The following SH3KBP1 variants were observed in gnomAD, a reference collection of about 807,000 sequenced individuals.
SH3KBP1 encodes SH3 domain-containing kinase-binding protein 1.
SH3KBP1 carries 8 observed loss-of-function variants against 50.1 expected under a neutral mutation model. The ratio of observed to expected loss-of-function variants is 0.16; its 90% CI spans 0.09 to 0.29. The LOEUF is 0.29. Among genes scored for constraint, SH3KBP1 ranks in the 10% least tolerant of loss-of-function variants. The pLI is 1.00. For synonymous variants in SH3KBP1, 227 were observed against 218.6 expected (o/e 1.04, Z -0.34); for missense variants, 377 against 535.2 (o/e 0.70, Z 2.92).
intron 2 of SH3KBP1, among the ~76,000 whole-genome samples, chrX:19,822,358 C>T (rs1056466839): frequency 1.8e-5 from 2 of 112,062 alleles, no homozygotes; most frequent in Non-Finnish European, 3.8e-5. Context: ...TCATTTTTTA[C>T]AGACTATTTT....
intron 10 of SH3KBP1, among the ~76,000 whole-genome samples, chrX:19,594,530 A>G (rs1160786331): frequency 8.9e-6 from 1 of 112,129 alleles, no homozygotes; most frequent in Non-Finnish European, 1.9e-5. Flanking sequence ...ATTCAGCAAC[A>G]CTATATACGC....
At chrX:19,870,992 C>T (rs746253778) in intron 1 of SH3KBP1, among the ~76,000 whole-genome samples, 144 of 111,878 alleles carry the variant, frequency 1.3e-3, no homozygotes, top group African/African-American at 4.3e-3. Flanking sequence ...GGAACTTTAG[C>T]ACTCATTTGA....
At chrX:19,643,011 T>C (rs1301206625) in intron 7 of SH3KBP1, among the ~76,000 whole-genome samples, 1 of 110,880 alleles carries the variant, frequency 9.0e-6, no homozygotes, top group Non-Finnish European at 1.9e-5. Flanking sequence ...TGCTGGGCAA[T>C]TTTTGTTATA....
At chrX:19,884,038 T>G (rs2069519574) in intron 1 of SH3KBP1, among the ~76,000 whole-genome samples, 1 of 111,788 alleles carries the variant, frequency 8.9e-6, no homozygotes, top group African/African-American at 3.3e-5. Flanking sequence ...TCGTTTTCAG[T>G]CTCTGCCACA....
intron 2 of SH3KBP1, among the ~76,000 whole-genome samples, chrX:19,813,443 A>G (rs1486627352): frequency 9.0e-6 from 1 of 111,380 alleles, no homozygotes; most frequent in East Asian, 2.8e-4. Context: ...GATCACAATC[A>G]AGCTAATTAA....
intron 2 of SH3KBP1, among the ~76,000 whole-genome samples, chrX:19,761,252 G>A (rs1192540707): frequency 4.5e-5 from 4 of 89,808 alleles, no homozygotes; most frequent in Non-Finnish European, 8.9e-5. Flanking sequence ...GTGAGAGAGG[G>A]AGGGAGAGAG....
intron 4 of SH3KBP1, among the ~76,000 whole-genome samples, chrX:19,701,686 T>C (rs888727076): frequency 3.6e-5 from 4 of 112,215 alleles, no homozygotes; most frequent in African/African-American, 1.3e-4. Context: ...GTCAATGCCA[T>C]CATTTGCCAC....
intron 6 of SH3KBP1, among the ~76,000 whole-genome samples, chrX:19,664,141 A>G (rs1225917388): frequency 8.9e-6 from 1 of 111,862 alleles, no homozygotes; most frequent in Non-Finnish European, 1.9e-5. Flanking sequence ...GAGAGACCAC[A>G]GAACAGTCAA....
At chrX:19,863,369 G>A (rs184223617) in intron 1 of SH3KBP1, among the ~76,000 whole-genome samples, 38 of 111,381 alleles carry the variant, frequency 3.4e-4, no homozygotes, top group African/African-American at 1.2e-3. Flanking sequence ...AGCTAAAGCA[G>A]GGCTCTCTTC....
chrX:19,842,483 G>A (rs936700301), intron 1 of SH3KBP1, among the ~76,000 whole-genome samples: 4 of 111,572 alleles, frequency 3.6e-5, no homozygotes, highest in Non-Finnish European at 7.6e-5. Flanking sequence ...CTGAGATCAT[G>A]CCACTGCACT....
intron 1 of SH3KBP1, 95 bp from the exon 2 acceptor site, chrX:19,836,377 G>A: frequency 1.3e-6 from 1 of 760,197 alleles, no homozygotes; most frequent in Non-Finnish European, 2.0e-6. Flanking sequence ...AACATTAAAG[G>A]GACTTCCCCT....
chrX:19,682,894 CAAA>C (rs552090695), intron 6 of SH3KBP1, among the ~76,000 whole-genome samples: 2 of 54,059 alleles, frequency 3.7e-5, no homozygotes, highest in Non-Finnish European at 3.6e-5. Context: ...GTTATCCCAC[CAAA>C]AAAAAAAAAA....
chrX:19,640,297 G>C (rs764426687), intron 7 of SH3KBP1, among the ~76,000 whole-genome samples: 1 of 111,089 alleles, frequency 9.0e-6, no homozygotes, highest in Non-Finnish European at 1.9e-5. Flanking sequence ...CTCATGTAAC[G>C]GGTTTCTGGA....
chrX:19,873,713 C>CACCAAAATATTTGGGAATGATAGTAAG (rs1481228946), intron 1 of SH3KBP1, among the ~76,000 whole-genome samples: 4 of 107,413 alleles, frequency 3.7e-5, no homozygotes, highest in African/African-American at 1.4e-4. Context: ...AAAAGAAATA[C>CACCAAAATATTTGGGAATGATAGTAAG]ACCAAAATAT....
intron 2 of SH3KBP1, among the ~76,000 whole-genome samples, chrX:19,804,164 T>C (rs1294698871): frequency 2.1e-4 from 23 of 110,086 alleles, no homozygotes; most frequent in Non-Finnish European, 3.8e-5. Context: ...AGAGTGAGAA[T>C]CCATATTAAA....
At chrX:19,536,862 T>G (rs6527933) in intron 17 of SH3KBP1, among the ~76,000 whole-genome samples, 25,749 of 110,956 alleles carry the variant, frequency 0.23, 2,299 homozygotes, top group African/African-American at 0.3. Flanking sequence ...TACCTATCCT[T>G]TGTTAAGCAG....
chrX:19,713,203 C>T (rs2063820067), intron 3 of SH3KBP1, among the ~76,000 whole-genome samples: 1 of 110,631 alleles, frequency 9.0e-6, no homozygotes, highest in African/African-American at 3.3e-5. Context: ...GATAACAGAG[C>T]GAGACTCTGT....
intron 8 of SH3KBP1, among the ~76,000 whole-genome samples, chrX:19,619,137 G>A (rs1163077512): frequency 9.0e-6 from 1 of 111,306 alleles, no homozygotes; most frequent in African/African-American, 3.3e-5. Flanking sequence ...TTATCTGGAT[G>A]TGGTAGCGGG....
At chrX:19,879,173 A>AG (rs1181557459) in intron 1 of SH3KBP1, among the ~76,000 whole-genome samples, 1 of 112,489 alleles carries the variant, frequency 8.9e-6, no homozygotes, top group Non-Finnish European at 1.9e-5. Flanking sequence ...TGAGCCTGGG[A>AG]GGTCGAGGCT....
Sources: allele counts gnomAD v4.1 joint callset (sites outside exome capture counted in the v4.1 genomes callset), GRCh38; gene constraint gnomAD v4.1.1; transcripts MANE v1.5; gene names NCBI Gene and HGNC (gene_info 2026-07-23, HGNC 2026-07-21).